Variants in FRYL observed in about 807,000 individuals in gnomAD.
FRYL encodes protein furry homolog-like.
FRYL carries 150 observed loss-of-function variants against 351.2 expected under a neutral mutation model. The observed-to-expected ratio is 0.43, with a 90% CI of 0.37 to 0.49. The LOEUF is 0.49. FRYL is among the 20% of genes least tolerant of loss of function. The pLI is 0.00. For synonymous variants in FRYL, 1,153 were observed against 1,257.1 expected, an observed-to-expected ratio of 0.92 and a Z score of 1.75; for missense variants, 3,036 against 3,619.3, an observed-to-expected ratio of 0.84 and a Z score of 4.13.
At chr4:48,682,571 G>GA (rs1448868142) in intron 3 of FRYL, among the ~76,000 whole-genome samples, 1 of 151,438 alleles carries the variant, frequency 6.6e-6, no homozygotes, top group African/African-American at 2.4e-5. Flanking sequence ...AAATGTACAA[G>GA]AAAAAAACAA....
At chr4:48,725,579 T>TG (rs2149615587) in intron 1 of FRYL, among the ~76,000 whole-genome samples, 1 of 152,358 alleles carries the variant, frequency 6.6e-6, no homozygotes, top group African/African-American at 2.4e-5. Flanking sequence ...CACGCTGTCC[T>TG]GCTCCATCCT....
chr4:48,594,353 G>C (rs1744154079), intron 15 of FRYL, among the ~76,000 whole-genome samples: 1 of 151,916 alleles, frequency 6.6e-6, no homozygotes, highest in Non-Finnish European at 1.5e-5. Flanking sequence ...ACAGCAGTGA[G>C]TTCATACTGG....
At chr4:48,533,441 G>A (rs560681302) in intron 49 of FRYL, among the ~76,000 whole-genome samples, 1 of 151,992 alleles carries the variant, frequency 6.6e-6, no homozygotes, top group Non-Finnish European at 1.5e-5. Flanking sequence ...GAATGTAAGA[G>A]GTAATGTGGA....
chr4:48,534,731 T>C, intron 48 of FRYL, 46 bp from the exon 49 acceptor site: 1 of 1,217,588 alleles, frequency 8.2e-7, no homozygotes, highest in Non-Finnish European at 1.2e-6. Context: ...TTTAATCAGG[T>C]TGAATAAAAA....
intron 18 of FRYL, among the ~76,000 whole-genome samples, chr4:48,587,822 G>C (rs531743435): frequency 2.0e-5 from 3 of 152,186 alleles, no homozygotes; most frequent in Non-Finnish European, 4.4e-5. Flanking sequence ...TGGGATTACA[G>C]GCATGAGTCA....
At chr4:48,562,436 T>C (rs1735733096) in intron 32 of FRYL, among the ~76,000 whole-genome samples, 1 of 152,208 alleles carries the variant, frequency 6.6e-6, no homozygotes, top group Non-Finnish European at 1.5e-5. Context: ...AGTTAAGTAT[T>C]GCATACTAAC....
chr4:48,695,988 C>T (rs951988549), intron 2 of FRYL, among the ~76,000 whole-genome samples: 2 of 152,234 alleles, frequency 1.3e-5, no homozygotes, highest in East Asian at 1.9e-4. Flanking sequence ...TACCATCTCA[C>T]GCCAGTCACA....
chr4:48,659,090 C>T (rs1303072156), intron 3 of FRYL, among the ~76,000 whole-genome samples: 1 of 152,050 alleles, frequency 6.6e-6, no homozygotes, highest in Non-Finnish European at 1.5e-5. Context: ...GTGGCTCACG[C>T]CTGTAATCCC....
intron 1 of FRYL, among the ~76,000 whole-genome samples, chr4:48,750,433 C>A (rs1318125087): frequency 2.0e-5 from 3 of 151,780 alleles, no homozygotes; most frequent in Non-Finnish European, 4.4e-5. Context: ...TGCACTCCAG[C>A]CTGGGTGACA....
chr4:48,731,073 G>T (rs1295170113), intron 1 of FRYL, among the ~76,000 whole-genome samples: 6 of 151,766 alleles, frequency 4.0e-5, no homozygotes, highest in Non-Finnish European at 8.8e-5. Flanking sequence ...TTGCAGTCCT[G>T]GTCTCTGATA....
At chr4:48,696,466 G>A (rs2149567855) in intron 2 of FRYL, among the ~76,000 whole-genome samples, 1 of 152,256 alleles carries the variant, frequency 6.6e-6, no homozygotes, top group East Asian at 1.9e-4. Flanking sequence ...TCATAAGTGG[G>A]AGTTAAACAA....
intron 55 of FRYL, among the ~76,000 whole-genome samples, chr4:48,520,210 A>G (rs1438156295): frequency 6.6e-6 from 1 of 152,194 alleles, no homozygotes; most frequent in Non-Finnish European, 1.5e-5. Flanking sequence ...CCATATGAGT[A>G]TGAGCATTTT....
chr4:48,656,243 T>C lies in FRYL; in HGVS notation c.-80-21753A>G, dbSNP rs1314957135. On this transcript the variant is annotated intron_variant, in intron 3 of 63. Transcript: ENST00000358350. ...ATATTCATGAAAATTTGAATATATA[T>C]TATGAATATATATTTGAATATACAT... Among the ~76,000 whole-genome samples, 5 of 100,460 alleles carry C rather than the reference T, an allele frequency of 5.0e-5. No homozygotes were observed. The East Asian group carries it at 1.5e-3, about 30-fold the overall frequency. The allele number at this position is 100,460 out of a possible 152,430, so 65.9% of individuals were successfully genotyped here.
At position 48,602,709 on chromosome 4, in the gene FRYL, T is replaced by C. The variant is rs566135716; in HGVS notation, c.933+581A>G. ...CAAGCTACGTAAAAGTTATGTGAAA[T>C]AGACAGGTAGAAAAAAATGCCTTCA... On this transcript the variant is annotated intron_variant, in intron 12 of 63. Transcript: ENST00000358350. Among the ~76,000 whole-genome samples, 7 of 152,238 alleles carry C rather than the reference T, an allele frequency of 4.6e-5. No individual in the cohort carries two copies. In the East Asian group the frequency reaches 1.2e-3, roughly 25 times the overall value.
At chr4:48,645,548 C>CT (rs1756304549) in intron 3 of FRYL, among the ~76,000 whole-genome samples, 1 of 152,156 alleles carries the variant, frequency 6.6e-6, no homozygotes, top group Admixed American at 6.5e-5. Context: ...CATATATACT[C>CT]TCAGCATTCT....
At chr4:48,674,270 C>T (rs1763185513) in intron 3 of FRYL, among the ~76,000 whole-genome samples, 1 of 151,948 alleles carries the variant, frequency 6.6e-6, no homozygotes, top group South Asian at 2.1e-4. Context: ...AACATTTATA[C>T]CTGAATATAG....
intron 10 of FRYL, 127 bp from the exon 11 acceptor site, chr4:48,605,960 C>T: frequency 1.6e-6 from 1 of 617,630 alleles, no homozygotes; most frequent in South Asian, 2.1e-5. Context: ...ATCTTCAAGT[C>T]AAAAAACAAA....
At chr4:48,695,502 A>G (rs1471979793) in intron 2 of FRYL, among the ~76,000 whole-genome samples, 1 of 151,856 alleles carries the variant, frequency 6.6e-6, no homozygotes, top group South Asian at 2.1e-4. Flanking sequence ...ATATATATAT[A>G]TTTGTATGTG....
At chr4:48,699,907 A>G (rs1766559467) in intron 2 of FRYL, among the ~76,000 whole-genome samples, 1 of 152,226 alleles carries the variant, frequency 6.6e-6, no homozygotes, top group Non-Finnish European at 1.5e-5. Flanking sequence ...ATACATTTAA[A>G]TCATATTAAG....
Sources: gnomAD v4.1 joint callset for allele counts (sites outside exome capture counted in the v4.1 genomes callset) on GRCh38, gnomAD v4.1.1 for gene constraint, MANE v1.5 for transcripts, NCBI Gene and HGNC (gene_info 2026-07-23, HGNC 2026-07-21) for gene names.